The following WDFY1 variants were observed in gnomAD, a reference collection of about 807,000 sequenced individuals.
WDFY1 encodes WD repeat and FYVE domain containing 1.
Under a neutral mutation model 56.4 loss-of-function variants are expected in WDFY1, and 32 were observed. The observed-to-expected ratio is 0.57, with a 90% CI of 0.43 to 0.76. The LOEUF is 0.76. Ranked by LOEUF, WDFY1 falls within the 30% of genes least tolerant of loss-of-function variation. The pLI is 0.00. For missense variants in WDFY1, 480 were observed against 545.7 expected (o/e 0.88, Z 1.20); for synonymous variants, 192 against 197.3 (o/e 0.97, Z 0.23).
chr2:223,899,118 C>T, intron 5 of WDFY1, 48 bp from the exon 6 acceptor site: 1 of 1,495,016 alleles, frequency 6.7e-7, no homozygotes, highest in Non-Finnish European at 9.3e-7. Flanking sequence ...CCTGAAAGTC[C>T]TCTCATAAGA....
intron 2 of WDFY1, among the ~76,000 whole-genome samples, chr2:223,916,747 ACGCTGCTTAGATT>A (rs1673057085): frequency 1.3e-5 from 2 of 151,914 alleles, no homozygotes; most frequent in South Asian, 4.2e-4. Flanking sequence ...AAGGATGGTG[ACGCTGCTTAGATT>A]CACATGAAGG....
chr2:223,934,081 CT>C (rs201021204), intron 1 of WDFY1, among the ~76,000 whole-genome samples: 51 of 136,140 alleles, frequency 3.7e-4, no homozygotes, highest in Non-Finnish European at 6.4e-4. Flanking sequence ...TTTTTCTTTT[CT>C]TTTTTTTTTT....
At chr2:223,882,183 C>A in intron 9 of WDFY1, 111 bp from the exon 10 acceptor site, 3 of 1,358,928 alleles carry the variant, frequency 2.2e-6, no homozygotes, top group Non-Finnish European at 2.9e-6. Flanking sequence ...GGCGTGATCT[C>A]GGCTCACTGC....
chr2:223,901,332 A>G lies in WDFY1; in HGVS notation c.336T>C (p.Ala112=). Residue 112 remains alanine, a splice_region_variant and synonymous_variant, in exon 5 of 12, where the codon GCT becomes GCC. Coordinates refer to ENST00000233055, the MANE Select transcript of WDFY1 (RefSeq NM_020830.5). ...TAATCGCAGACACCCGGTTCTGATG[A>G]GCTGCAGGAACAGAAAGGTGAACAG... The part of the protein sequence containing the change: ...NKMNFIKTYP[A]HQNRVSAIIF... 1 of 1,614,050 alleles carries G rather than the reference A, an allele frequency of 6.2e-7. No individual in the cohort carries two copies. Among genetic ancestry groups the G allele is most frequent in the South Asian group, 1.1e-5 (1 of 91,070 alleles).
intron 1 of WDFY1, among the ~76,000 whole-genome samples, chr2:223,943,184 T>TAA (rs11311599): frequency 0.42 from 56,793 of 136,772 alleles, 12,189 homozygotes; most frequent in Non-Finnish European, 0.49. Flanking sequence ...GCCTCCATCT[T>TAA]AAAAAAAAAA....
chr2:223,894,091 C>G, intron 8 of WDFY1, 143 bp downstream of exon 8: 1 of 716,608 alleles, frequency 1.4e-6, no homozygotes, highest in Middle Eastern at 3.0e-4. Flanking sequence ...AGGACCTTGT[C>G]AGAAATAACC....
chr2:223,920,820 G>C (rs1470719938), intron 1 of WDFY1, among the ~76,000 whole-genome samples: 1 of 152,186 alleles, frequency 6.6e-6, no homozygotes. Context: ...TTAAAACAGA[G>C]AGTGGCTGAA....
chr2:223,914,332 C>G (rs960060579), intron 2 of WDFY1, among the ~76,000 whole-genome samples: 3 of 152,092 alleles, frequency 2.0e-5, no homozygotes, highest in African/African-American at 7.2e-5. Context: ...TCACTGCAGT[C>G]CAAAATCAAA....
intron 1 of WDFY1, among the ~76,000 whole-genome samples, chr2:223,931,312 T>C (rs1694068178): frequency 1.3e-5 from 2 of 152,232 alleles, no homozygotes; most frequent in Non-Finnish European, 1.5e-5. Context: ...TTATCCTGTC[T>C]ACCAAGGATA....
In WDFY1 at chr2:223,902,234, A is replaced by T. The variant is rs138194398; in HGVS notation, c.335-901T>A. Among the ~76,000 whole-genome samples, 692 of 152,370 alleles carry T rather than the reference A, an allele frequency of 4.5e-3. 18 individuals carry two copies. The highest frequency in any genetic ancestry group is 0.04 in the Admixed American group (618 of 15,296). On this transcript the variant is annotated intron_variant, in intron 4 of 11. Transcript: ENST00000233055. ...CTGAACAATTAAATACTCATGAAGG[A>T]TTCTGAAACTTAAAGGATGCTATGA... is the stretch of plus-strand genomic sequence containing the variant.
At chr2:223,934,081 C>T (rs1026803586) in intron 1 of WDFY1, among the ~76,000 whole-genome samples, 1 of 136,180 alleles carries the variant, frequency 7.3e-6, no homozygotes, top group Non-Finnish European at 1.6e-5. Flanking sequence ...TTTTTCTTTT[C>T]TTTTTTTTTT....
chr2:223,911,568 A>C (rs75033032), intron 3 of WDFY1, among the ~76,000 whole-genome samples: 26 of 1,674 alleles, frequency 0.016, no homozygotes, highest in Non-Finnish European at 0.12. Context: ...CTGAATGACC[A>C]CACACACACA....
Position 223,901,199 on chromosome 2 carries a change from A to C in WDFY1, c.469T>G (p.Trp157Gly). 6.2e-7 allele frequency: 1 copy of C among 1,614,042 alleles called. No individual in the cohort carries two copies. The highest frequency in any genetic ancestry group is 1.3e-5 in the African/African-American group (1 of 75,038). Residue 157 changes from tryptophan (W) to glycine (G), a missense_variant, in exon 5 of 12, where the codon TGG becomes GGG. Transcript: ENST00000233055. The part of the protein sequence containing the change: ...NMLGRHFFTS[W>G]ASCLQYDFDT... ...GAAGGATACTGCAGACACGAAGCCC[A>C]GGACGTGAAGAAGTGCCTCCCGAGC... is the stretch of plus-strand genomic sequence containing the variant.
At chr2:223,894,704 C>T (rs1559165024) in intron 7 of WDFY1, among the ~76,000 whole-genome samples, 2 of 152,120 alleles carry the variant, frequency 1.3e-5, no homozygotes, top group South Asian at 2.1e-4. Context: ...CTACTGACCA[C>T]AATTCATATG....
intron 1 of WDFY1, among the ~76,000 whole-genome samples, chr2:223,926,446 A>G (rs1693980035): frequency 6.6e-6 from 1 of 152,132 alleles, no homozygotes; most frequent in Non-Finnish European, 1.5e-5. Flanking sequence ...GTATTTTTTA[A>G]ATCACAAAAC....
intron 5 of WDFY1, among the ~76,000 whole-genome samples, chr2:223,900,157 C>A (rs1321056645): frequency 6.6e-6 from 1 of 152,092 alleles, no homozygotes; most frequent in Non-Finnish European, 1.5e-5. Context: ...ATCACTCTTC[C>A]AAAACACGGG....
At chr2:223,917,825 G>C in intron 2 of WDFY1, 118 bp downstream of exon 2, 1 of 1,150,998 alleles carries the variant, frequency 8.7e-7, no homozygotes, top group Non-Finnish European at 1.2e-6. Context: ...ACCCGCCTTG[G>C]CCTCTCAAAG....
At chr2:223,880,003 A>T in intron 11 of WDFY1, 121 bp downstream of exon 11, 3 of 875,168 alleles carry the variant, frequency 3.4e-6, no homozygotes, top group Non-Finnish European at 5.5e-6. Flanking sequence ...TCAAGGTTTT[A>T]AACTGGCAAT....
chr2:223,889,896 C>T (rs1693239245), intron 8 of WDFY1, among the ~76,000 whole-genome samples: 1 of 152,162 alleles, frequency 6.6e-6, no homozygotes, highest in African/African-American at 2.4e-5. Context: ...ACTTAATTTT[C>T]ATTATGTCCT....
Sources: allele counts gnomAD v4.1 joint callset (sites outside exome capture counted in the v4.1 genomes callset), GRCh38; gene constraint gnomAD v4.1.1; transcripts MANE v1.5; gene names NCBI Gene and HGNC (gene_info 2026-07-23, HGNC 2026-07-21).